Variants in PPP3CC observed in about 807,000 individuals in gnomAD.
PPP3CC encodes the protein serine/threonine-protein phosphatase 2B catalytic subunit gamma isoform.
Under a neutral mutation model 60.3 loss-of-function variants are expected in PPP3CC, and 35 were observed. That is an observed-to-expected ratio of 0.58 (90% CI 0.44 to 0.77). The LOEUF (loss-of-function observed/expected upper bound fraction) is 0.77, where lower values mean the gene tolerates loss of function less well. PPP3CC is among the 30% of genes least tolerant of loss of function. The pLI is 0.00. For synonymous variants in PPP3CC, 206 were observed against 224.3 expected, an observed-to-expected ratio of 0.92 and a Z score of 0.73; for missense variants, 570 against 628.9, an observed-to-expected ratio of 0.91 and a Z score of 1.00.
At chr8:22,489,484 T>A (rs1294429080) in intron 3 of PPP3CC, among the ~76,000 whole-genome samples, 3 of 150,362 alleles carry the variant, frequency 2.0e-5, no homozygotes, top group Non-Finnish European at 2.9e-5. Context: ...TTGTCAACAG[T>A]GCCTGTGTTA....
In PPP3CC at chr8:22,475,576, C is replaced by T. The variant is rs754751549; in HGVS notation, c.324C>T (p.Arg108=). 6.2e-7 allele frequency: 1 copy of T among 1,613,150 alleles called. No homozygotes were observed. The highest frequency in any genetic ancestry group is 1.1e-5 in the South Asian group (1 of 91,046). ...TTGGAGGATCACCTAGTAACACACG[C>T]TACCTCTTTCTGGGTGACTATGTGG... ...FEVGGSPSNT[R]YLFLGDYVDR... The change falls in exon 3 of 14, where the codon CGC becomes CGT. Residue 108 remains arginine (R), a synonymous_variant. Transcript: ENST00000240139.
At chr8:22,444,600 G>C (rs989739640) in intron 1 of PPP3CC, among the ~76,000 whole-genome samples, 1 of 152,198 alleles carries the variant, frequency 6.6e-6, no homozygotes, top group African/African-American at 2.4e-5. Context: ...CTAGGCAGCA[G>C]ATTTCTTCTC....
intron 3 of PPP3CC, among the ~76,000 whole-genome samples, chr8:22,489,485 G>A (rs1838315755): frequency 6.7e-6 from 1 of 150,112 alleles, no homozygotes; most frequent in Non-Finnish European, 1.5e-5. Context: ...TGTCAACAGT[G>A]CCTGTGTTAG....
At chr8:22,444,865 A>G (rs1836777308) in intron 1 of PPP3CC, among the ~76,000 whole-genome samples, 1 of 151,950 alleles carries the variant, frequency 6.6e-6, no homozygotes, top group Non-Finnish European at 1.5e-5. Context: ...TTTTTTTTCT[A>G]GTTTCCACGT....
At chr8:22,450,792 ACTTTATTTTT>A (rs1311347131) in intron 1 of PPP3CC, among the ~76,000 whole-genome samples, 15 of 148,570 alleles carry the variant, frequency 1.0e-4, no homozygotes, top group African/African-American at 3.2e-4. Flanking sequence ...TCCCCAACCT[ACTTTATTTTT>A]ATTTATTTAT....
At chr8:22,528,172 C>A (rs1456888667) in intron 9 of PPP3CC, among the ~76,000 whole-genome samples, 2 of 152,124 alleles carry the variant, frequency 1.3e-5, no homozygotes, top group African/African-American at 4.8e-5. Context: ...TGGACGTAGG[C>A]CTGTTGGCTT....
chr8:22,532,538 G>A (rs1308140090), intron 11 of PPP3CC, among the ~76,000 whole-genome samples: 2 of 152,170 alleles, frequency 1.3e-5, no homozygotes, highest in African/African-American at 2.4e-5. Context: ...TTTCCAACCC[G>A]ATTGCCTGTG....
rs930855531 is a variant in PPP3CC, at chr8:22,492,717, A to C, written c.373-5284A>C. The C allele has an allele frequency of 4.1e-6, 4 of 976,830 alleles. No individual in the cohort carries two copies. In the African/African-American group the frequency reaches 6.4e-5, roughly 16 times the overall value. The allele number at this position is 976,830 out of a possible 1,614,324, so 60.5% of individuals were successfully genotyped here. A position where few individuals can be genotyped will look rare whatever the true frequency, so the allele number is the denominator to read the frequency against. On this transcript the variant is annotated intron_variant, in intron 3 of 13. Coordinates refer to ENST00000240139, the MANE Select transcript of PPP3CC (RefSeq NM_005605.5). Reference sequence around the variant, plus strand: ...GTTCACAGAAAGAAGAAGGCGGTTCATAGAACAGCCACAGCAGATGATAAA... The same window carrying C: ...GTTCACAGAAAGAAGAAGGCGGTTCCTAGAACAGCCACAGCAGATGATAAA...
chr8:22,467,455 G>C (rs1837577153), intron 1 of PPP3CC, among the ~76,000 whole-genome samples: 1 of 151,998 alleles, frequency 6.6e-6, no homozygotes, highest in East Asian at 1.9e-4. Flanking sequence ...TTGTTTGTTT[G>C]TTTTGAGACA....
chr8:22,534,934 C>T (rs2117154858), intron 12 of PPP3CC, among the ~76,000 whole-genome samples: 1 of 152,238 alleles, frequency 6.6e-6, no homozygotes, highest in Non-Finnish European at 1.5e-5. Context: ...ATAATAAAGT[C>T]AGAATGTCAC....
intron 1 of PPP3CC, among the ~76,000 whole-genome samples, chr8:22,456,211 A>G (rs186051073): frequency 1.4e-4 from 22 of 152,320 alleles, no homozygotes; most frequent in Admixed American, 1.2e-3. Flanking sequence ...TTTAAGGTTT[A>G]TGTTTCATAC....
chr8:22,525,871 A>AT (rs578168156), intron 8 of PPP3CC, among the ~76,000 whole-genome samples: 69,308 of 141,378 alleles, frequency 0.49, 16,607 homozygotes, highest in East Asian at 0.6. Context: ...CTTTCATATT[A>AT]TTTTTTTTTT....
intron 10 of PPP3CC, 140 bp downstream of exon 10, chr8:22,528,717 C>A: frequency 3.2e-6 from 2 of 627,474 alleles, no homozygotes; most frequent in Non-Finnish European, 4.9e-6. Flanking sequence ...TTGAAAAATA[C>A]GAGAAACCAT....
At chr8:22,450,294 TG>T (rs1237277552) in intron 1 of PPP3CC, among the ~76,000 whole-genome samples, 1 of 152,226 alleles carries the variant, frequency 6.6e-6, no homozygotes, top group Non-Finnish European at 1.5e-5. Context: ...TTAATTTTAT[TG>T]AAGAGATTGA....
intron 1 of PPP3CC, among the ~76,000 whole-genome samples, chr8:22,470,309 T>C (rs2132460800): frequency 6.6e-6 from 1 of 152,150 alleles, no homozygotes; most frequent in South Asian, 2.1e-4. Context: ...TTACAATTTT[T>C]TGAAATAGTC....
At chr8:22,509,039 C>T (rs534312210) in intron 4 of PPP3CC, among the ~76,000 whole-genome samples, 16 of 152,322 alleles carry the variant, frequency 1.1e-4, no homozygotes, top group Middle Eastern at 3.4e-3. Context: ...AACCCACAGG[C>T]TCCCTTAATG....
intron 12 of PPP3CC, among the ~76,000 whole-genome samples, chr8:22,536,998 A>G (rs1839858867): frequency 6.6e-6 from 1 of 152,242 alleles, no homozygotes; most frequent in African/African-American, 2.4e-5. Flanking sequence ...TAAGCATCCC[A>G]GTAGCCAAAA....
At position 22,458,971 on chromosome 8, in the gene PPP3CC, T is replaced by TA. The variant is rs1181687728; in HGVS notation, c.50-15982dup. Among the ~76,000 whole-genome samples, 10 of 152,350 alleles carry TA rather than the reference T, an allele frequency of 6.6e-5. No individual in the cohort carries two copies. The East Asian group carries it at 1.7e-3, about 26-fold the overall frequency. On this transcript the variant is annotated intron_variant, in intron 1 of 13. Transcript: ENST00000240139. ...AAGTCAGCAACTATAAGTAGAATGA[T>TA]ATGAATAAAATGTTTCATTGTTATG...
intron 1 of PPP3CC, among the ~76,000 whole-genome samples, chr8:22,448,293 A>G (rs1417628576): frequency 1.3e-5 from 2 of 152,228 alleles, no homozygotes; most frequent in Non-Finnish European, 2.9e-5. Context: ...CTGGATTAAG[A>G]AAACAAAAAA....
Sources: allele counts gnomAD v4.1 joint callset (sites outside exome capture counted in the v4.1 genomes callset), GRCh38; gene constraint gnomAD v4.1.1; transcripts MANE v1.5; gene names NCBI Gene and HGNC (gene_info 2026-07-23, HGNC 2026-07-21).